The following SLC49A4 variants were observed in gnomAD, a reference collection of about 807,000 sequenced individuals.
The protein encoded by SLC49A4 is disrupted in renal cancer protein 2.
SLC49A4 carries 36 observed loss-of-function variants against 50.6 expected under a neutral mutation model. That is an observed-to-expected ratio of 0.71 (90% CI 0.55 to 0.94). The LOEUF is 0.94. Among genes scored for constraint, SLC49A4 ranks in the 40% least tolerant of loss-of-function variants. The pLI is 0.00. For missense variants in SLC49A4, 503 were observed against 605.7 expected (o/e 0.83, Z 1.78); for synonymous variants, 248 against 241.2 (o/e 1.03, Z -0.26).
At chr3:122,876,898 G>A (rs943028434) in intron 8 of SLC49A4, among the ~76,000 whole-genome samples, 1 of 152,196 alleles carries the variant, frequency 6.6e-6, no homozygotes, top group Admixed American at 6.5e-5. Flanking sequence ...TGAGCACTCC[G>A]ACTGCTGTGT....
chr3:122,795,285 G>A lies in SLC49A4; in HGVS notation c.93G>A (p.Glu31=). 4.2e-6 allele frequency: 6 copies of A among 1,413,422 alleles called. No individual in the cohort carries two copies. Among genetic ancestry groups the A allele is most frequent in the Non-Finnish European group, 5.5e-6 (6 of 1,096,328 alleles). The allele number at this position is 1,413,422 out of a possible 1,614,324, so 87.6% of individuals were successfully genotyped here. Residue 31 remains glutamate (E), a synonymous_variant, in exon 1 of 9, where the codon GAG becomes GAA. Coordinates refer to ENST00000261038, the MANE Select transcript of SLC49A4 (RefSeq NM_032839.3). Reference sequence around the variant, plus strand: ...TGGGGGCCTCCTGGAGAAGCCGGGAGGCGGCGGCGGCGGCGCTGCCCGCGG... The same window carrying A: ...TGGGGGCCTCCTGGAGAAGCCGGGAAGCGGCGGCGGCGGCGCTGCCCGCGG... The part of the protein sequence containing the change: ...PGLGASWRSR[E]AAAAALPAAV...
chr3:122,850,335 C>T (rs77440480), intron 5 of SLC49A4, among the ~76,000 whole-genome samples: 5,024 of 152,140 alleles, frequency 0.033, 124 homozygotes, highest in Middle Eastern at 0.078. Context: ...ATAAGTAGAA[C>T]GATGTCTTTT....
At chr3:122,821,446 A>G (rs1936451380) in intron 2 of SLC49A4, among the ~76,000 whole-genome samples, 1 of 152,190 alleles carries the variant, frequency 6.6e-6, no homozygotes, top group Admixed American at 6.5e-5. Flanking sequence ...TTAAGGAGTC[A>G]GTATGAGGAG....
intron 4 of SLC49A4, among the ~76,000 whole-genome samples, chr3:122,844,045 G>A (rs1474227414): frequency 6.6e-6 from 1 of 152,142 alleles, no homozygotes; most frequent in East Asian, 1.9e-4. Flanking sequence ...ACATCCTCAT[G>A]CACGTCACCA....
chr3:122,795,185 G>A lies in SLC49A4; in HGVS notation c.-8G>A. ...GCCCGGCAGTGGCTTCGCGGGCGACGCGTCGCCATGGGCTCTCGCTGGAGC... is the reference window on the plus strand; with the variant it reads ...GCCCGGCAGTGGCTTCGCGGGCGACACGTCGCCATGGGCTCTCGCTGGAGC... On this transcript the variant is annotated 5_prime_UTR_variant, in exon 1 of 9. Transcript: ENST00000261038. 7.6e-7 allele frequency: 1 copy of A among 1,314,724 alleles called. No individual in the cohort carries two copies. The highest frequency in any genetic ancestry group is 9.6e-7 in the Non-Finnish European group (1 of 1,041,294). The allele number at this position is 1,314,724 out of a possible 1,614,324, so 81.4% of individuals were successfully genotyped here. A position where few individuals can be genotyped will look rare whatever the true frequency, so the allele number is the denominator to read the frequency against.
chr3:122,865,153 G>T (rs1039661324), intron 7 of SLC49A4, among the ~76,000 whole-genome samples: 4 of 152,328 alleles, frequency 2.6e-5, no homozygotes, highest in African/African-American at 9.6e-5. Context: ...GCTCATGACA[G>T]ACAGCTCAAG....
intron 1 of SLC49A4, among the ~76,000 whole-genome samples, chr3:122,801,014 C>T (rs1936120680): frequency 6.6e-6 from 1 of 152,168 alleles, no homozygotes; most frequent in African/African-American, 2.4e-5. Flanking sequence ...TCCCTCCAGC[C>T]TGTTCTGCTG....
chr3:122,860,442 G>A (rs1337133356), intron 7 of SLC49A4, among the ~76,000 whole-genome samples: 1 of 152,124 alleles, frequency 6.6e-6, no homozygotes, highest in Non-Finnish European at 1.5e-5. Context: ...AACACATAGA[G>A]CATGGAAATG....
chr3:122,850,511 A>ATTT (rs34348304), intron 5 of SLC49A4, among the ~76,000 whole-genome samples: 21 of 145,940 alleles, frequency 1.4e-4, no homozygotes, highest in African/African-American at 5.3e-4. Flanking sequence ...TTTTGAGTTG[A>ATTT]TTTTTTTTTT....
intron 3 of SLC49A4, among the ~76,000 whole-genome samples, chr3:122,829,510 TGGGAGGCCGACAA>T (rs1400755623): frequency 6.6e-6 from 1 of 152,124 alleles, no homozygotes; most frequent in African/African-American, 2.4e-5. Flanking sequence ...CCCAGCACTG[TGGGAGGCCGACAA>T]GGGAGGATCA....
At chr3:122,847,837 A>G (rs566430019) in intron 5 of SLC49A4, among the ~76,000 whole-genome samples, 19 of 152,364 alleles carry the variant, frequency 1.2e-4, no homozygotes, top group African/African-American at 4.3e-4. Flanking sequence ...TGCAGAAAAG[A>G]GAAAGATAAA....
chr3:122,800,007 G>A (rs1450496552), intron 1 of SLC49A4, among the ~76,000 whole-genome samples: 1 of 152,202 alleles, frequency 6.6e-6, no homozygotes, highest in Non-Finnish European at 1.5e-5. Context: ...AGATTAAACT[G>A]TCAATTGGAT....
intron 4 of SLC49A4, among the ~76,000 whole-genome samples, chr3:122,843,203 G>A (rs1936796409): frequency 6.6e-6 from 1 of 151,988 alleles, no homozygotes; most frequent in African/African-American, 2.4e-5. Flanking sequence ...TTTTCACTAA[G>A]CACTACATGG....
intron 8 of SLC49A4, 145 bp from the exon 9 acceptor site, chr3:122,879,118 A>G (rs916405488): frequency 2.2e-5 from 14 of 632,418 alleles, no homozygotes; most frequent in Admixed American, 1.1e-4. Context: ...GATTGTCACT[A>G]TTTATTGAAA....
chr3:122,833,597 T>G, intron 4 of SLC49A4, 151 bp downstream of exon 4: 1 of 754,546 alleles, frequency 1.3e-6, no homozygotes, highest in South Asian at 3.9e-5. Flanking sequence ...ATTTTAGATT[T>G]CCTACCAGAA....
chr3:122,826,566 G>A (rs10804558), intron 2 of SLC49A4, among the ~76,000 whole-genome samples: 25,386 of 152,106 alleles, frequency 0.17, 3,039 homozygotes, highest in East Asian at 0.52. Context: ...ATAGGTCACA[G>A]TAAATATTTG....
chr3:122,834,563 G>A (rs1357878323), intron 4 of SLC49A4, among the ~76,000 whole-genome samples: 1 of 152,118 alleles, frequency 6.6e-6, no homozygotes, highest in Non-Finnish European at 1.5e-5. Context: ...AGCAAAAGCA[G>A]CGCTAAGAGG....
At chr3:122,828,369 A>C (rs1936563833) in intron 3 of SLC49A4, among the ~76,000 whole-genome samples, 1 of 152,192 alleles carries the variant, frequency 6.6e-6, no homozygotes, top group South Asian at 2.1e-4. Flanking sequence ...CTTCCTGGAG[A>C]TGCAGCTTCT....
At chr3:122,820,363 T>C (rs1435794695) in intron 2 of SLC49A4, among the ~76,000 whole-genome samples, 1 of 152,220 alleles carries the variant, frequency 6.6e-6, no homozygotes, top group Non-Finnish European at 1.5e-5. Flanking sequence ...ATAAATGTGA[T>C]TTTACATGTG....
Sources: gnomAD v4.1 joint callset for allele counts (sites outside exome capture counted in the v4.1 genomes callset) on GRCh38, gnomAD v4.1.1 for gene constraint, MANE v1.5 for transcripts, NCBI Gene and HGNC (gene_info 2026-07-23, HGNC 2026-07-21) for gene names.